The following ATRN variants were observed in gnomAD, a reference collection of about 807,000 sequenced individuals.
ATRN encodes attractin.
Under a neutral mutation model 178.7 loss-of-function variants are expected in ATRN, and 54 were observed. That is an observed-to-expected ratio of 0.30 (90% CI 0.24 to 0.38). The LOEUF is 0.38. Among genes scored for constraint, ATRN ranks in the 10% least tolerant of loss-of-function variants. ATRN has a pLI of 1.00. For synonymous variants in ATRN, 636 were observed against 663.0 expected, an observed-to-expected ratio of 0.96 and a Z score of 0.63; for missense variants, 1,443 against 1,815.1, an observed-to-expected ratio of 0.79 and a Z score of 3.73.
chr20:3,523,607 T>TA (rs1274083908), intron 1 of ATRN, among the ~76,000 whole-genome samples: 1 of 151,888 alleles, frequency 6.6e-6, no homozygotes, highest in African/African-American at 2.4e-5. Context: ...CCCCAAGACA[T>TA]ATAATCGTCA....
chr20:3,583,868 C>G, intron 16 of ATRN, 30 bp from the exon 17 acceptor site: 1 of 1,602,264 alleles, frequency 6.2e-7, no homozygotes, highest in Admixed American at 1.7e-5. Context: ...GGTGGGAGCT[C>G]TAAGTGTCTC....
At chr20:3,546,559 T>G (rs1257098420) in intron 4 of ATRN, among the ~76,000 whole-genome samples, 2 of 151,922 alleles carry the variant, frequency 1.3e-5, no homozygotes, top group African/African-American at 4.8e-5. Context: ...GCCCAGCTAA[T>G]TTTTTGCATA....
chr20:3,516,472 A>G (rs530964992), intron 1 of ATRN, among the ~76,000 whole-genome samples: 46 of 152,272 alleles, frequency 3.0e-4, no homozygotes, highest in African/African-American at 1.1e-3. Context: ...CATGCCATAG[A>G]TTTTATAATA....
At chr20:3,615,706 T>G in intron 24 of ATRN, 2 of 430,318 alleles carry the variant, frequency 4.6e-6, no homozygotes, top group Non-Finnish European at 9.4e-6. Flanking sequence ...CAGGAACACT[T>G]CACCACGCCC....
At chr20:3,646,103 G>T (rs916751784) in intron 28 of ATRN, among the ~76,000 whole-genome samples, 2 of 152,148 alleles carry the variant, frequency 1.3e-5, no homozygotes. Context: ...CTTCACACTA[G>T]CCCTGTACTA....
chr20:3,620,268 A>G (rs1450945672), intron 24 of ATRN, among the ~76,000 whole-genome samples: 1 of 147,892 alleles, frequency 6.8e-6, no homozygotes, highest in East Asian at 2.0e-4. Flanking sequence ...TTGTTTTGAG[A>G]CAGTCTCGCT....
At chr20:3,549,418 A>G in intron 6 of ATRN, 80 bp downstream of exon 6, 1 of 1,239,518 alleles carries the variant, frequency 8.1e-7, no homozygotes, top group East Asian at 2.8e-5. Flanking sequence ...GCAAAAATAA[A>G]TCACCAGTCA....
rs143623075 is a variant in ATRN, at chr20:3,597,639, T to C, written c.3470-267T>C. Among the ~76,000 whole-genome samples, 458 of 152,354 alleles carry C rather than the reference T, an allele frequency of 3.0e-3. 1 individual carries two copies. Among genetic ancestry groups the C allele is most frequent in the Middle Eastern group, 6.8e-3 (2 of 294 alleles). On this transcript the variant is annotated intron_variant, in intron 21 of 28. Coordinates refer to ENST00000262919, the MANE Select transcript of ATRN (RefSeq NM_139321.3). ...TGGAAAAGGGTATAGTGATACCCTT[T>C]TAATAGCCTTTTCAGATAATTATGG...
At position 3,646,722 on chromosome 20, in the gene ATRN, G is replaced by T; in HGVS notation, c.4166-1G>T. ...TATGTTCTCTCTGTGGTTCTCCCAA[G>T]GTCTTGCTGTGGCCAGCGCCCTGGT... On this transcript the variant is annotated splice_acceptor_variant, in intron 28 of 28. Coordinates refer to ENST00000262919, the MANE Select transcript of ATRN (RefSeq NM_139321.3). LOFTEE classifies it high-confidence loss of function. 6.3e-7 allele frequency: 1 copy of T among 1,599,360 alleles called. No homozygotes were observed. The highest frequency in any genetic ancestry group is 1.1e-5 in the South Asian group (1 of 88,620).
In ATRN at chr20:3,547,333, A is replaced by G. The variant is rs748613292; in HGVS notation, c.787A>G (p.Ser263Gly). The G allele has an allele frequency of 2.5e-6, 4 of 1,614,064 alleles. No individual in the cohort carries two copies. The African/African-American group carries it at 4.0e-5, about 16-fold the overall frequency. The change falls in exon 5 of 29, where the codon AGT becomes GGT. Residue 263 changes from serine to glycine, a missense_variant. Physicochemically the swap from Ser to Gly is moderately conservative, Grantham distance 56. Coordinates refer to ENST00000262919, the MANE Select transcript of ATRN (RefSeq NM_139321.3). ...CTCAGGCCGAGGAGAGTGTAAGATC[A>G]GTAATAGCAGCGATACTGTTGAATG... is the stretch of plus-strand genomic sequence containing the variant. ...NCSGRGECKISNSSDTVECEC... is the reference protein window; with the variant it reads ...NCSGRGECKIGNSSDTVECEC...
intron 23 of ATRN, among the ~76,000 whole-genome samples, chr20:3,603,493 CT>C (rs368103958): frequency 0.021 from 3,022 of 143,104 alleles, 78 homozygotes; most frequent in African/African-American, 0.061. Context: ...TTCTTTCTTT[CT>C]TTTTTTTTTT....
intron 23 of ATRN, among the ~76,000 whole-genome samples, chr20:3,601,867 TAAAAAAAAAAAA>T (rs77232797): frequency 8.5e-6 from 1 of 117,670 alleles, no homozygotes; most frequent in Admixed American, 8.8e-5. Flanking sequence ...CCCATCTCTT[TAAAAAAAAAAAA>T]AAAAAAAGAA....
At chr20:3,626,822 A>G (rs2595586) in intron 25 of ATRN, among the ~76,000 whole-genome samples, 67,624 of 140,346 alleles carry the variant, frequency 0.48, 17,669 homozygotes, top group African/African-American at 0.72. Flanking sequence ...TCTCTCTGTC[A>G]CCCAGGCCAG....
chr20:3,555,800 A>T (rs1426843220), intron 6 of ATRN, among the ~76,000 whole-genome samples: 2 of 152,244 alleles, frequency 1.3e-5, no homozygotes, highest in East Asian at 3.8e-4. Flanking sequence ...TGTAACCTCA[A>T]ACAAGATGAA....
At chr20:3,597,256 G>A (rs990041504) in intron 21 of ATRN, among the ~76,000 whole-genome samples, 14 of 151,802 alleles carry the variant, frequency 9.2e-5, no homozygotes, top group East Asian at 3.9e-4. Context: ...GAAAATACTC[G>A]CACATCATCA....
chr20:3,483,644 G>A (rs1487723400), intron 1 of ATRN, among the ~76,000 whole-genome samples: 2 of 152,100 alleles, frequency 1.3e-5, no homozygotes, highest in Admixed American at 6.6e-5. Flanking sequence ...ACCATGCCCG[G>A]CCCAATTAGC....
In ATRN at chr20:3,582,381, A is replaced by G. The variant is rs1412261521; in HGVS notation, c.2764+27A>G. 9 of 1,600,804 alleles carry G rather than the reference A, an allele frequency of 5.6e-6. No individual in the cohort carries two copies. In the Admixed American group the frequency reaches 1.0e-4, roughly 18 times the overall value. On this transcript the variant is annotated intron_variant, in intron 16 of 28. Transcript: ENST00000262919. Reference sequence around the variant, plus strand: ...TAAGTTCACAGGTGAATTAGGTGGTATTCAGAGTTTATTGTGAGAGAAACC... The same window carrying G: ...TAAGTTCACAGGTGAATTAGGTGGTGTTCAGAGTTTATTGTGAGAGAAACC...
intron 1 of ATRN, among the ~76,000 whole-genome samples, chr20:3,526,054 A>G (rs138178877): frequency 0.016 from 2,455 of 152,296 alleles, 71 homozygotes; most frequent in African/African-American, 0.055. Context: ...GGCCAGGGCA[A>G]TCAGACAAGA....
At chr20:3,609,541 T>C (rs1259073278) in intron 24 of ATRN, among the ~76,000 whole-genome samples, 2 of 152,180 alleles carry the variant, frequency 1.3e-5, no homozygotes, top group Admixed American at 1.3e-4. Context: ...GTTGCTCTGG[T>C]CAAATATGTT....
Sources: allele counts gnomAD v4.1 joint callset (sites outside exome capture counted in the v4.1 genomes callset), GRCh38; gene constraint gnomAD v4.1.1; transcripts MANE v1.5; gene names NCBI Gene and HGNC (gene_info 2026-07-23, HGNC 2026-07-21).